RAPGEF5: variants seen among roughly 807,000 people sequenced by gnomAD.
The protein encoded by RAPGEF5 is M-Ras-regulated GEF.
Under a neutral mutation model 125.2 loss-of-function variants are expected in RAPGEF5, and 65 were observed. The observed-to-expected ratio is 0.52, with a 90% CI of 0.43 to 0.64. The LOEUF (loss-of-function observed/expected upper bound fraction) is 0.64. Ranked by LOEUF, RAPGEF5 falls within the 30% of genes least tolerant of loss-of-function variation. The pLI is 0.00. For synonymous variants in RAPGEF5, 391 were observed against 385.9 expected (o/e 1.01, Z -0.16); for missense variants, 958 against 1,048.1 (o/e 0.91, Z 1.19).
At chr7:22,209,943 A>G (rs190436112) in intron 9 of RAPGEF5, among the ~76,000 whole-genome samples, 5 of 152,348 alleles carry the variant, frequency 3.3e-5, no homozygotes, top group Admixed American at 2.0e-4. Flanking sequence ...GATATTATCA[A>G]TGGAAATGTT....
At chr7:22,332,861 TA>T (rs1015925893) in intron 1 of RAPGEF5, among the ~76,000 whole-genome samples, 4 of 152,206 alleles carry the variant, frequency 2.6e-5, no homozygotes, top group African/African-American at 9.6e-5. Context: ...AGCAACCCAC[TA>T]CAGGGTACAC....
At chr7:22,134,085 GTTGT>G (rs879733812) in intron 23 of RAPGEF5, among the ~76,000 whole-genome samples, 1 of 152,108 alleles carries the variant, frequency 6.6e-6, no homozygotes, top group Non-Finnish European at 1.5e-5. Context: ...AACTAAGTTG[GTTGT>G]TCTAAAATAG....
chr7:22,212,464 T>C (rs1032988438), intron 9 of RAPGEF5, among the ~76,000 whole-genome samples: 1 of 152,242 alleles, frequency 6.6e-6, no homozygotes, highest in Non-Finnish European at 1.5e-5. Flanking sequence ...ATTCAGTCTC[T>C]GAGTTTCTCG....
chr7:22,339,059 C>T lies in RAPGEF5; in HGVS notation c.231+17771G>A, dbSNP rs532389629. On this transcript the variant is annotated intron_variant, in intron 1 of 25. Coordinates refer to ENST00000665637, the MANE Select transcript of RAPGEF5 (RefSeq NM_012294.5). Reference sequence around the variant, plus strand: ...CAAGCATGCGCACTAAGAGGCAAAACGATGGAGTTTAACTGGTGTATGACC... The same window carrying T: ...CAAGCATGCGCACTAAGAGGCAAAATGATGGAGTTTAACTGGTGTATGACC... Among the ~76,000 whole-genome samples, 25 of 152,228 alleles carry T rather than the reference C, an allele frequency of 1.6e-4. 1 individual carries two copies. In the South Asian group the frequency reaches 4.8e-3, roughly 29 times the overall value.
intron 9 of RAPGEF5, among the ~76,000 whole-genome samples, chr7:22,207,475 GA>G (rs1202458565): frequency 1.3e-5 from 2 of 152,128 alleles, no homozygotes; most frequent in African/African-American, 4.8e-5. Context: ...GGGGTGGGGG[GA>G]GGAAATAGTG....
intron 23 of RAPGEF5, among the ~76,000 whole-genome samples, chr7:22,133,295 A>T (rs1185458046): frequency 6.6e-6 from 1 of 152,182 alleles, no homozygotes; most frequent in Non-Finnish European, 1.5e-5. Context: ...TCCGGGAGAA[A>T]GGGAAGAGTT....
chr7:22,310,054 A>T lies in RAPGEF5; in HGVS notation c.426T>A (p.Leu142=), dbSNP rs1249067329. ...ACTGGACGAAAGGACAGTGTTCTAG[A>T]AGCCAGTCTACCAGCTCTGACCCAA... The part of the protein sequence containing the change: ...SCVGSELVDW[L]LEHCPFVQCR... The change falls in exon 4 of 26, where the codon CTT becomes CTA. Residue 142 remains leucine, a synonymous_variant. Transcript: ENST00000665637. 1 of 1,597,768 alleles carries T rather than the reference A, an allele frequency of 6.3e-7. No individual in the cohort carries two copies. Among genetic ancestry groups the T allele is most frequent in the Non-Finnish European group, 8.5e-7 (1 of 1,174,106 alleles).
Position 22,169,990 on chromosome 7 carries a change from G to A in RAPGEF5, c.1205-2842C>T, listed in dbSNP as rs111247881. Among the ~76,000 whole-genome samples, 7 of 150,154 alleles carry A rather than the reference G, an allele frequency of 4.7e-5. 1 individual carries two copies. The highest frequency in any genetic ancestry group is 1.7e-4 in the African/African-American group (7 of 40,872). ...TATGCCACTGCACTTTAGCCTGGGCGACACAGAGAGACTCTGTCTCAAAAA... is the reference window on the plus strand; with the variant it reads ...TATGCCACTGCACTTTAGCCTGGGCAACACAGAGAGACTCTGTCTCAAAAA... On this transcript the variant is annotated intron_variant, in intron 11 of 25. Coordinates refer to ENST00000665637, the MANE Select transcript of RAPGEF5 (RefSeq NM_012294.5).
chr7:22,118,905 C>G lies in RAPGEF5; in HGVS notation c.*3501G>C, dbSNP rs752579320. On this transcript the variant is annotated 3_prime_UTR_variant, in exon 26 of 26. Transcript: ENST00000665637. ...TTTTTAAAAACTTCCCCCCCGCCCC[C>G]CCACCAGTTTTAAGCAAAACTGGCC... is the stretch of plus-strand genomic sequence containing the variant. The G allele has an allele frequency of 1.3e-5, 2 of 150,062 alleles. No individual in the cohort carries two copies. Among genetic ancestry groups the G allele is most frequent in the East Asian group, 3.9e-4 (2 of 5,118 alleles). 9.3% of individuals were successfully genotyped at this position (150,062 alleles called of 1,614,324 possible). A position where few individuals can be genotyped will look rare whatever the true frequency, so the allele number is the denominator to read the frequency against.
intron 3 of RAPGEF5, 50 bp from the exon 4 acceptor site, chr7:22,310,140 G>A: frequency 7.0e-7 from 1 of 1,427,862 alleles, no homozygotes; most frequent in African/African-American, 1.5e-5. Context: ...ACATCCGTTT[G>A]CCAAAAAAAC....
At chr7:22,122,665 T>A (rs528514291) in intron 25 of RAPGEF5, 144 bp from the exon 26 acceptor site, 1 of 616,202 alleles carries the variant, frequency 1.6e-6, no homozygotes, top group South Asian at 2.0e-5. Context: ...GTCCTTGTCC[T>A]ACAGTAGAAA....
rs775515031 is a variant in RAPGEF5, at chr7:22,156,900, G to C, written c.1558-12C>G. ...AAAAGGGCTTTATTCTGTGAGATGGGAGAAAGAGAACAATGAATGAATACA... is the reference window on the plus strand; with the variant it reads ...AAAAGGGCTTTATTCTGTGAGATGGCAGAAAGAGAACAATGAATGAATACA... On this transcript the variant is annotated splice_polypyrimidine_tract_variant and intron_variant, in intron 15 of 25. Transcript: ENST00000665637. The C allele has an allele frequency of 1.9e-6, 3 of 1,613,804 alleles. No homozygotes were observed. Among genetic ancestry groups the C allele is most frequent in the East Asian group, 2.2e-5 (1 of 44,864 alleles).
intron 23 of RAPGEF5, 57 bp downstream of exon 23, chr7:22,135,981 C>A (rs1243653956): frequency 1.4e-6 from 2 of 1,397,104 alleles, no homozygotes; most frequent in Non-Finnish European, 2.0e-6. Flanking sequence ...TCAATAGTTA[C>A]AGTAATAAAT....
intron 18 of RAPGEF5, 110 bp from the exon 19 acceptor site, chr7:22,147,129 G>T (rs1783466626): frequency 7.4e-7 from 1 of 1,350,620 alleles, no homozygotes; most frequent in Admixed American, 2.3e-5. Flanking sequence ...AATCTTTTCT[G>T]AGTGCACTTA....
intron 6 of RAPGEF5, among the ~76,000 whole-genome samples, chr7:22,286,338 A>C (rs1419401786): frequency 6.6e-6 from 1 of 152,204 alleles, no homozygotes; most frequent in African/African-American, 2.4e-5. Context: ...ATAGGCATCT[A>C]ATATAAATAA....
chr7:22,242,684 G>A (rs1054214021), intron 7 of RAPGEF5, among the ~76,000 whole-genome samples: 2 of 152,114 alleles, frequency 1.3e-5, no homozygotes, highest in Non-Finnish European at 2.9e-5. Flanking sequence ...GGGCGCGGTG[G>A]CTCACGCCTG....
At chr7:22,207,471 G>C (rs1405168452) in intron 9 of RAPGEF5, among the ~76,000 whole-genome samples, 2 of 152,100 alleles carry the variant, frequency 1.3e-5, no homozygotes, top group Admixed American at 1.3e-4. Flanking sequence ...CCAGGGGGTG[G>C]GGGGAGGAAA....
intron 7 of RAPGEF5, among the ~76,000 whole-genome samples, chr7:22,241,964 T>TA (rs1786342707): frequency 6.6e-6 from 1 of 152,092 alleles, no homozygotes; most frequent in African/African-American, 2.4e-5. Flanking sequence ...CCTGCGATGC[T>TA]AAGTTGCAGG....
intron 1 of RAPGEF5, among the ~76,000 whole-genome samples, chr7:22,340,174 G>A (rs1248028705): frequency 6.6e-6 from 1 of 152,180 alleles, no homozygotes; most frequent in Non-Finnish European, 1.5e-5. Context: ...TTGGTGCCAG[G>A]ATGAAGAAAC....
Sources: allele counts gnomAD v4.1 joint callset (sites outside exome capture counted in the v4.1 genomes callset), GRCh38; gene constraint gnomAD v4.1.1; transcripts MANE v1.5; gene names NCBI Gene and HGNC (gene_info 2026-07-23, HGNC 2026-07-21).